PELI2: variants seen among roughly 807,000 people sequenced by gnomAD.
The protein encoded by PELI2 is pellino E3 ubiquitin protein ligase family member 2.
Under a neutral mutation model 42.3 loss-of-function variants are expected in PELI2, and 23 were observed. The ratio of observed to expected loss-of-function variants is 0.54; its 90% CI spans 0.39 to 0.77. The LOEUF (loss-of-function observed/expected upper bound fraction) is 0.77, where lower values mean the gene tolerates loss of function less well. Among genes scored for constraint, PELI2 ranks in the 30% least tolerant of loss-of-function variants. The pLI, the probability that PELI2 is intolerant of heterozygous loss-of-function variation, is 0.00. For synonymous variants in PELI2, 245 were observed against 212.2 expected, an observed-to-expected ratio of 1.15 and a Z score of -1.34; for missense variants, 463 against 553.2, an observed-to-expected ratio of 0.84 and a Z score of 1.64.
At chr14:56,188,227 C>T (rs1331533655) in intron 2 of PELI2, among the ~76,000 whole-genome samples, 3 of 152,206 alleles carry the variant, frequency 2.0e-5, no homozygotes, top group South Asian at 4.1e-4. Flanking sequence ...CATTTCTGTA[C>T]TCCCATTGCC....
chr14:56,196,836 TTTTG>T lies in PELI2; in HGVS notation c.207+18376_207+18379del, dbSNP rs377399209. On this transcript the variant is annotated intron_variant, in intron 2 of 5. Transcript: ENST00000267460. ...GAATCTGTTATATGTGTTGCATATA[TTTTG>T]TTTATCTTTTAACTTTGTTCATGGT... Among the ~76,000 whole-genome samples the T allele has an allele frequency of 2.6e-3, 389 of 152,332 alleles. 3 individuals carry two copies. The highest frequency in any genetic ancestry group is 7.8e-3 in the African/African-American group (325 of 41,570).
chr14:56,144,917 C>G (rs771215158), intron 1 of PELI2: 1 of 938,336 alleles, frequency 1.1e-6, no homozygotes, highest in Non-Finnish European at 1.3e-6. Context: ...TTATTACTGA[C>G]TTTACTCTTT....
At chr14:56,179,024 C>T (rs573454520) in intron 2 of PELI2, among the ~76,000 whole-genome samples, 11 of 151,438 alleles carry the variant, frequency 7.3e-5, no homozygotes, top group Non-Finnish European at 1.0e-4. Context: ...TAAAAGAGGC[C>T]GACTATACAT....
intron 3 of PELI2, among the ~76,000 whole-genome samples, chr14:56,285,194 T>G (rs1889606504): frequency 6.6e-6 from 1 of 152,184 alleles, no homozygotes; most frequent in Non-Finnish European, 1.5e-5. Flanking sequence ...TAAGACATAA[T>G]GGTAACCAGA....
At chr14:56,214,042 G>A (rs1217323548) in intron 2 of PELI2, among the ~76,000 whole-genome samples, 2 of 152,066 alleles carry the variant, frequency 1.3e-5, no homozygotes, top group Admixed American at 6.5e-5. Flanking sequence ...TGGTAGGGAC[G>A]GGGTTTCACC....
intron 2 of PELI2, among the ~76,000 whole-genome samples, chr14:56,238,674 A>G (rs909821905): frequency 2.6e-5 from 4 of 152,176 alleles, no homozygotes; most frequent in Non-Finnish European, 5.9e-5. Context: ...AATTTCAGGC[A>G]CTGAATTTGG....
intron 2 of PELI2, among the ~76,000 whole-genome samples, chr14:56,207,044 G>A (rs1474861140): frequency 6.6e-6 from 1 of 152,102 alleles, no homozygotes; most frequent in Admixed American, 6.5e-5. Flanking sequence ...ATCCTGGAGA[G>A]GTGGTTTAAA....
intron 2 of PELI2, among the ~76,000 whole-genome samples, chr14:56,275,370 A>G (rs1385622692): frequency 6.6e-6 from 1 of 152,150 alleles, no homozygotes; most frequent in Non-Finnish European, 1.5e-5. Flanking sequence ...AGCACGTTAC[A>G]TTTGTTGTGT....
chr14:56,239,275 A>G (rs1887896390), intron 2 of PELI2, among the ~76,000 whole-genome samples: 1 of 152,244 alleles, frequency 6.6e-6, no homozygotes, highest in South Asian at 2.1e-4. Flanking sequence ...AGAAAGATGA[A>G]TATGTGTTCA....
chr14:56,280,499 A>G (rs1889447694), intron 3 of PELI2, among the ~76,000 whole-genome samples: 1 of 152,130 alleles, frequency 6.6e-6, no homozygotes, highest in Admixed American at 6.5e-5. Flanking sequence ...TAATAACAGA[A>G]AAAAGCAAGC....
rs1890163477 is a variant in PELI2 at position 56,301,319 on chromosome 14, T to C, written c.*4153T>C. The C allele has an allele frequency of 6.6e-6, 1 of 152,660 alleles. No homozygotes were observed. Among genetic ancestry groups the C allele is most frequent in the Admixed American group, 6.5e-5 (1 of 15,276 alleles). The allele number at this position is 152,660 out of a possible 1,614,324, so 9.5% of individuals were successfully genotyped here. ...ATCAGCCTGTTTGTGAGCCATTGTC[T>C]TCAGATTCTGTGGTTGTCACTGAGT... On this transcript the variant is annotated 3_prime_UTR_variant, in exon 6 of 6. Transcript: ENST00000267460.
chr14:56,174,045 G>C (rs1885277361), intron 1 of PELI2, among the ~76,000 whole-genome samples: 1 of 152,170 alleles, frequency 6.6e-6, no homozygotes, highest in Non-Finnish European at 1.5e-5. Context: ...GGGATTACAG[G>C]CATGTGCTAT....
intron 2 of PELI2, among the ~76,000 whole-genome samples, chr14:56,271,657 A>G (rs1414738553): frequency 6.6e-6 from 1 of 152,222 alleles, no homozygotes; most frequent in Admixed American, 6.5e-5. Flanking sequence ...AAATACTGCC[A>G]TGTTGTGGCC....
At chr14:56,134,500 C>G (rs1801647787) in intron 1 of PELI2, among the ~76,000 whole-genome samples, 1 of 152,040 alleles carries the variant, frequency 6.6e-6, no homozygotes, top group African/African-American at 2.4e-5. Context: ...TGCTTTTCAA[C>G]TCCTTTCCTT....
intron 2 of PELI2, among the ~76,000 whole-genome samples, chr14:56,230,425 A>G (rs1456690612): frequency 6.6e-6 from 1 of 152,224 alleles, no homozygotes; most frequent in African/African-American, 2.4e-5. Flanking sequence ...TACAAGCCAG[A>G]AGAGAGTGGG....
intron 2 of PELI2, among the ~76,000 whole-genome samples, chr14:56,244,574 T>C (rs1872061219): frequency 6.6e-6 from 1 of 152,090 alleles, no homozygotes; most frequent in African/African-American, 2.4e-5. Context: ...ACCAGCTGAG[T>C]AGGCAGCAAG....
At chr14:56,178,654 C>T (rs1322634601) in intron 2 of PELI2, among the ~76,000 whole-genome samples, 190 bp downstream of exon 2, 1 of 152,212 alleles carries the variant, frequency 6.6e-6, no homozygotes, top group Non-Finnish European at 1.5e-5. Flanking sequence ...CCCTGGCCTT[C>T]ACCCGCTAAG....
At chr14:56,268,027 A>G (rs1009880510) in intron 2 of PELI2, among the ~76,000 whole-genome samples, 3 of 152,190 alleles carry the variant, frequency 2.0e-5, no homozygotes, top group Non-Finnish European at 2.9e-5. Flanking sequence ...AGCATTTGGA[A>G]GTTTGCCTGC....
At chr14:56,245,841 TG>T (rs1364412992) in intron 2 of PELI2, among the ~76,000 whole-genome samples, 1 of 152,210 alleles carries the variant, frequency 6.6e-6, no homozygotes, top group African/African-American at 2.4e-5. Context: ...TTGTTTTAGA[TG>T]TTGTAAGTAA....
Sources: allele counts gnomAD v4.1 joint callset (sites outside exome capture counted in the v4.1 genomes callset), GRCh38; gene constraint gnomAD v4.1.1; transcripts MANE v1.5; gene names NCBI Gene and HGNC (gene_info 2026-07-23, HGNC 2026-07-21).